Variants in MYO9A observed in about 807,000 individuals in gnomAD.
MYO9A encodes myosin IXA.
MYO9A carries 103 observed loss-of-function variants against 293.3 expected under a neutral mutation model. The ratio of observed to expected loss-of-function variants is 0.35; its 90% CI spans 0.30 to 0.41. The LOEUF (loss-of-function observed/expected upper bound fraction) is 0.41, where lower values mean the gene tolerates loss of function less well. Among genes scored for constraint, MYO9A ranks in the 10% least tolerant of loss-of-function variants. The pLI is 1.00. For synonymous variants in MYO9A, 1,001 were observed against 1,035.7 expected, an observed-to-expected ratio of 0.97 and a Z score of 0.64; for missense variants, 2,685 against 3,033.0, an observed-to-expected ratio of 0.89 and a Z score of 2.69.
intron 1 of MYO9A, among the ~76,000 whole-genome samples, chr15:72,081,056 T>C (rs2079529225): frequency 2.6e-5 from 4 of 152,248 alleles, no homozygotes; most frequent in African/African-American, 7.2e-5. Flanking sequence ...TAGGATAGAA[T>C]GATTTATATT....
intron 2 of MYO9A, among the ~76,000 whole-genome samples, chr15:72,043,568 A>G (rs1347879061): frequency 6.6e-6 from 1 of 152,224 alleles, no homozygotes; most frequent in East Asian, 1.9e-4. Context: ...AATTATACCA[A>G]GTGGGAGAAG....
chr15:71,843,679 T>C (rs1025774617), intron 39 of MYO9A, among the ~76,000 whole-genome samples: 6 of 152,114 alleles, frequency 3.9e-5, no homozygotes, highest in African/African-American at 1.4e-4. Context: ...TTGGTAGAGA[T>C]GGGGTTTCAC....
chr15:71,903,140 A>T, intron 21 of MYO9A, 77 bp from the exon 22 acceptor site: 1 of 1,214,112 alleles, frequency 8.2e-7, no homozygotes. Flanking sequence ...TTATCATTCT[A>T]TTAATCTTTT....
At chr15:71,968,177 C>A (rs375577141) in intron 12 of MYO9A, 52 bp from the exon 13 acceptor site, 1 of 1,437,036 alleles carries the variant, frequency 7.0e-7, no homozygotes, top group African/African-American at 1.4e-5. Flanking sequence ...GAGAAAGATG[C>A]GGTAATTAGT....
At chr15:71,918,129 TC>T (rs2058061358) in intron 18 of MYO9A, among the ~76,000 whole-genome samples, 1 of 152,184 alleles carries the variant, frequency 6.6e-6, no homozygotes, top group Non-Finnish European at 1.5e-5. Flanking sequence ...AAATGCCATT[TC>T]TTTTAAAAGA....
Position 71,875,775 on chromosome 15 carries a change from A to C in MYO9A, c.5979+16T>G. 7.8e-7 allele frequency: 1 copy of C among 1,287,624 alleles called. No homozygotes were observed. The highest frequency in any genetic ancestry group is 1.0e-6 in the Non-Finnish European group (1 of 987,820). 79.8% of individuals were successfully genotyped at this position (1,287,624 alleles called of 1,614,324 possible). On this transcript the variant is annotated intron_variant, in intron 32 of 41. Coordinates refer to ENST00000356056, the MANE Select transcript of MYO9A (RefSeq NM_006901.4). ...GAAAATTACTTTTTTAATTTAAAAA[A>C]CAGATTATAACTTACCAAATCAGTT...
chr15:71,927,025 G>A (rs1191612900), intron 18 of MYO9A, among the ~76,000 whole-genome samples: 1 of 152,124 alleles, frequency 6.6e-6, no homozygotes. Context: ...CTCATCATGG[G>A]GGTGGCATTG....
chr15:71,956,352 A>ATATATATATATAT (rs1346560683), intron 14 of MYO9A, among the ~76,000 whole-genome samples: 25 of 64,820 alleles, frequency 3.9e-4, no homozygotes, highest in Admixed American at 5.7e-4. Context: ...TATATATATA[A>ATATATATATATAT]AATACGCCCA....
rs190268567 is a variant in MYO9A at position 71,878,142 on chromosome 15, A to T, written c.5829T>A (p.Asp1943Glu). 6 of 1,612,990 alleles carry T rather than the reference A, an allele frequency of 3.7e-6. No individual in the cohort carries two copies. In the Admixed American group the frequency reaches 1.0e-4, roughly 27 times the overall value. The change falls in exon 31 of 42, where the codon GAT becomes GAA. Residue 1943 changes from aspartate (D) to glutamate (E), a missense_variant. By Grantham distance (45) the Asp-to-Glu change is conservative (BLOSUM62 2). This residue lies in a region of MYO9A where 1,434 missense variants were observed against 1,497.7 expected (regional missense o/e 0.96). Transcript: ENST00000356056. Reference sequence around the variant, plus strand: ...CTCTCACTGGAGATTCACCCAGTGAATCACGCTGCTCAAGCCTCATCGTCT... The same window carrying T: ...CTCTCACTGGAGATTCACCCAGTGATTCACGCTGCTCAAGCCTCATCGTCT... ...LEKTMRLEQR[D>E]SLGESPVRVW...
chr15:72,072,818 G>A (rs1349098367), intron 1 of MYO9A, among the ~76,000 whole-genome samples: 1 of 152,006 alleles, frequency 6.6e-6, no homozygotes, highest in Non-Finnish European at 1.5e-5. Context: ...TGGGTGATGG[G>A]TTCAGTAGAA....
intron 1 of MYO9A, among the ~76,000 whole-genome samples, chr15:72,077,747 AAAAAAATATAT>A (rs1183409281): frequency 0.056 from 2,548 of 45,484 alleles, 22 homozygotes; most frequent in African/African-American, 0.13. Context: ...AAAAAAAAAA[AAAAAAATATAT>A]ATATATATAT....
chr15:71,848,922 G>A lies in MYO9A; in HGVS notation c.6760C>T (p.Arg2254Cys), dbSNP rs370084486. 12 of 1,611,060 alleles carry A rather than the reference G, an allele frequency of 7.4e-6. No homozygotes were observed. The highest frequency in any genetic ancestry group is 3.4e-5 in the Admixed American group (2 of 59,138). Residue 2254 changes from arginine to cysteine, a missense_variant, in exon 39 of 42, where the codon CGT becomes TGT. Physicochemically the swap from Arg to Cys is radical, Grantham distance 180 (BLOSUM62 -3). This residue lies in a region of MYO9A where 7 missense variants were observed against 28.9 expected (regional missense o/e 0.24). Coordinates refer to ENST00000356056, the MANE Select transcript of MYO9A (RefSeq NM_006901.4). Reference protein sequence around the residue: ...VVEQMNKYKARLKDISSLEFA... With the variant: ...VVEQMNKYKACLKDISSLEFA... ...TCCAAGCTACTGATATCTTTGAGAC[G>A]AGCCTTGTATTTATTCATTTGTTCC...
chr15:71,936,101 G>A (rs1478881657), intron 16 of MYO9A, among the ~76,000 whole-genome samples: 1 of 151,700 alleles, frequency 6.6e-6, no homozygotes, highest in African/African-American at 2.4e-5. Flanking sequence ...AAGAAAATGT[G>A]GTATATACAT....
At position 71,826,873 on chromosome 15, in the gene MYO9A, G is replaced by T. The variant is rs766647520; in HGVS notation, c.7354C>A (p.Gln2452Lys). 6.2e-7 allele frequency: 1 copy of T among 1,614,136 alleles called. No homozygotes were observed. The highest frequency in any genetic ancestry group is 1.1e-5 in the South Asian group (1 of 91,088). Residue 2452 changes from glutamine to lysine, a missense_variant, in exon 42 of 42, where the codon CAG becomes AAG. Physicochemically the swap from Gln to Lys is moderately conservative, Grantham distance 53 (BLOSUM62 1). This residue lies in a region of MYO9A where 350 missense variants were observed against 328.9 expected (regional missense o/e 1.06). Coordinates refer to ENST00000356056, the MANE Select transcript of MYO9A (RefSeq NM_006901.4). ...ASSHGTRKLF[Q>K]IYSKSPFYRA... ...TAGAATGGAGATTTGGAATAAATCT[G>T]AAATAGTTTTCTGGTCCCATGAGAT...
intron 12 of MYO9A, among the ~76,000 whole-genome samples, chr15:71,970,755 A>C (rs117825528): frequency 0.012 from 1,889 of 152,352 alleles, 23 homozygotes; most frequent in Non-Finnish European, 0.019. Flanking sequence ...AGCAGCTGCC[A>C]ATCAGCTCTA....
chr15:71,951,696 T>TC (rs982975369), intron 15 of MYO9A, 81 bp downstream of exon 15: 2 of 1,566,018 alleles, frequency 1.3e-6, no homozygotes, highest in Non-Finnish European at 1.7e-6. Flanking sequence ...ACAATCTATA[T>TC]CCCACCCTGG....
chr15:71,994,164 T>C (rs559121198), intron 10 of MYO9A, among the ~76,000 whole-genome samples: 6 of 152,140 alleles, frequency 3.9e-5, no homozygotes, highest in Admixed American at 3.9e-4. Context: ...AGACAGAAAA[T>C]ATTTCAAGAG....
At chr15:71,867,798 TCACACACACACACA>T (rs57300333) in intron 32 of MYO9A, among the ~76,000 whole-genome samples, 232 of 127,630 alleles carry the variant, frequency 1.8e-3, no homozygotes, top group African/African-American at 4.7e-3. Context: ...TGGGAATCCA[TCACACACACACACA>T]CACACACACA....
chr15:72,043,469 A>C (rs925169657), intron 2 of MYO9A, among the ~76,000 whole-genome samples: 3 of 152,222 alleles, frequency 2.0e-5, no homozygotes, highest in Non-Finnish European at 4.4e-5. Flanking sequence ...AGATCTAAAA[A>C]ATTGTGATAT....
Sources: gnomAD v4.1 joint callset for allele counts (sites outside exome capture counted in the v4.1 genomes callset) on GRCh38, gnomAD v4.1.1 for gene constraint, gnomAD v4.1.1 regional missense constraint, MANE v1.5 for transcripts, NCBI Gene and HGNC (gene_info 2026-07-23, HGNC 2026-07-21) for gene names.